Variants in GRIA1 observed in about 807,000 individuals in gnomAD.
GRIA1 encodes the protein glutamate ionotropic receptor AMPA type subunit 1, also known as glutamate receptor 1.
In GRIA1, 31 loss-of-function variants were observed where a neutral mutation model predicts 99.2. The ratio of observed to expected loss-of-function variants is 0.31; its 90% CI spans 0.23 to 0.42. The LOEUF is 0.42. Among genes scored for constraint, GRIA1 ranks in the 10% least tolerant of loss-of-function variants. GRIA1 has a pLI of 1.00. For missense variants in GRIA1, 782 were observed against 1,157.5 expected, an observed-to-expected ratio of 0.68 and a Z score of 4.71; for synonymous variants, 438 against 432.4, an observed-to-expected ratio of 1.01 and a Z score of -0.16.
At position 153,553,446 on chromosome 5, in the gene GRIA1, G is replaced by C. The variant is rs577529612; in HGVS notation, c.220+59381G>C. On this transcript the variant is annotated intron_variant, in intron 2 of 15. Coordinates refer to ENST00000285900, the MANE Select transcript of GRIA1 (RefSeq NM_000827.4). ...AAGTACACTTGGAAGAGGGTTAACG[G>C]GGAGACTTGAGAGACCAAGTGCATG... is the stretch of plus-strand genomic sequence containing the variant. Among the ~76,000 whole-genome samples the C allele has an allele frequency of 6.6e-5, 10 of 152,290 alleles. No homozygotes were observed. In the South Asian group the frequency reaches 2.1e-3, roughly 32 times the overall value.
At chr5:153,654,373 T>A (rs1310086360) in intron 4 of GRIA1, among the ~76,000 whole-genome samples, 1 of 152,180 alleles carries the variant, frequency 6.6e-6, no homozygotes, top group African/African-American at 2.4e-5. Context: ...GGGACAATAT[T>A]TCTCCATTGC....
chr5:153,506,765 G>A (rs1453429785), intron 2 of GRIA1, among the ~76,000 whole-genome samples: 2 of 152,156 alleles, frequency 1.3e-5, no homozygotes, highest in Admixed American at 6.6e-5. Flanking sequence ...TTAGCTTTGG[G>A]AAAATTATTT....
chr5:153,691,364 G>C (rs1257925358), intron 8 of GRIA1, among the ~76,000 whole-genome samples: 3 of 152,168 alleles, frequency 2.0e-5, no homozygotes, highest in Non-Finnish European at 4.4e-5. Context: ...CGAAGAACTG[G>C]TATTGTTGAT....
intron 11 of GRIA1, among the ~76,000 whole-genome samples, chr5:153,727,582 T>C (rs1388724452): frequency 7.2e-5 from 11 of 152,184 alleles, no homozygotes; most frequent in African/African-American, 2.2e-4. Flanking sequence ...AGAATTCTTA[T>C]ACACCAATAA....
At chr5:153,592,988 A>T (rs55946739) in intron 2 of GRIA1, among the ~76,000 whole-genome samples, 11,469 of 152,218 alleles carry the variant, frequency 0.075, 538 homozygotes, top group Non-Finnish European at 0.11. Flanking sequence ...ATTAACTGCC[A>T]GGCGCAGTGG....
At chr5:153,757,326 T>A (rs931206318) in intron 11 of GRIA1, among the ~76,000 whole-genome samples, 1 of 151,994 alleles carries the variant, frequency 6.6e-6, no homozygotes, top group Admixed American at 6.6e-5. Flanking sequence ...GAGCAAATAT[T>A]TGGGTCATTG....
chr5:153,810,521 C>T (rs1035625662), intron 15 of GRIA1, among the ~76,000 whole-genome samples: 31 of 152,308 alleles, frequency 2.0e-4, no homozygotes, highest in African/African-American at 6.7e-4. Flanking sequence ...TAGCACCATT[C>T]TTGCTATAAT....
intron 8 of GRIA1, among the ~76,000 whole-genome samples, chr5:153,686,915 C>G (rs1275792523): frequency 6.6e-6 from 1 of 152,122 alleles, no homozygotes; most frequent in Non-Finnish European, 1.5e-5. Flanking sequence ...CACCCTTAAC[C>G]CTTGATACTT....
intron 2 of GRIA1, among the ~76,000 whole-genome samples, chr5:153,593,784 A>G (rs951666761): frequency 6.6e-6 from 1 of 152,120 alleles, no homozygotes; most frequent in Non-Finnish European, 1.5e-5. Flanking sequence ...CAGGAGAGCT[A>G]TCTTCCTGGG....
chr5:153,771,630 C>T (rs1036682981), intron 13 of GRIA1, among the ~76,000 whole-genome samples: 1 of 152,188 alleles, frequency 6.6e-6, no homozygotes, highest in Admixed American at 6.5e-5. Context: ...AGAACATCTA[C>T]TTCCTGCAAT....
chr5:153,521,331 A>G (rs1757125890), intron 2 of GRIA1, among the ~76,000 whole-genome samples: 1 of 152,244 alleles, frequency 6.6e-6, no homozygotes, highest in Admixed American at 6.5e-5. Context: ...CAGGGACCAG[A>G]GAAACAGAGT....
intron 2 of GRIA1, among the ~76,000 whole-genome samples, chr5:153,496,902 T>C (rs1163554279): frequency 6.6e-6 from 1 of 152,204 alleles, no homozygotes; most frequent in Non-Finnish European, 1.5e-5. Context: ...TCATAATTTT[T>C]GCTGTCATTT....
At position 153,750,926 on chromosome 5, in the gene GRIA1, G is replaced by A. The variant is rs150815923; in HGVS notation, c.1824-13508G>A. Among the ~76,000 whole-genome samples the A allele has an allele frequency of 8.4e-3, 1,281 of 152,038 alleles. 7 individuals carry two copies. Among genetic ancestry groups the A allele is most frequent in the Middle Eastern group, 0.014 (4 of 294 alleles). ...TCCTGGCCAAAGATGATGAAACCCC[G>A]TCTCTACTAAAAGTACAAAAAAAAT... On this transcript the variant is annotated intron_variant, in intron 11 of 15. Transcript: ENST00000285900.
At chr5:153,806,557 C>T (rs1245882472) in intron 15 of GRIA1, among the ~76,000 whole-genome samples, 1 of 152,210 alleles carries the variant, frequency 6.6e-6, no homozygotes, top group East Asian at 1.9e-4. Context: ...AGCCACCACG[C>T]CCCGCCCTTG....
In GRIA1 at chr5:153,809,784, T is replaced by A. The variant is rs1215859032; in HGVS notation, c.2521-1241T>A. ...AACTTATACACTGGAGGCAGAACCATTACAAGAGAATGTATACTGCACGAG... is the reference window on the plus strand; with the variant it reads ...AACTTATACACTGGAGGCAGAACCAATACAAGAGAATGTATACTGCACGAG... On this transcript the variant is annotated intron_variant, in intron 15 of 15. Transcript: ENST00000285900. Among the ~76,000 whole-genome samples the A allele has an allele frequency of 2.0e-5, 3 of 152,142 alleles. No individual in the cohort carries two copies. The East Asian group carries it at 5.8e-4, about 29-fold the overall frequency.
chr5:153,691,696 T>A (rs1757770998), intron 8 of GRIA1, among the ~76,000 whole-genome samples: 1 of 152,210 alleles, frequency 6.6e-6, no homozygotes, highest in African/African-American at 2.4e-5. Flanking sequence ...TAGCATCAGA[T>A]ATAGACATAG....
intron 11 of GRIA1, among the ~76,000 whole-genome samples, chr5:153,710,713 T>C (rs1436497847): frequency 3.3e-5 from 5 of 152,146 alleles, no homozygotes; most frequent in African/African-American, 1.2e-4. Flanking sequence ...CAGGGTATGG[T>C]TCTAAGTGCT....
chr5:153,722,355 C>T (rs6866103), intron 11 of GRIA1, among the ~76,000 whole-genome samples: 1 of 151,852 alleles, frequency 6.6e-6, no homozygotes, highest in Admixed American at 6.6e-5. Flanking sequence ...TTTCTTTATG[C>T]CTAGTACTTT....
intron 11 of GRIA1, among the ~76,000 whole-genome samples, chr5:153,711,516 A>G (rs920737721): frequency 6.6e-6 from 1 of 152,156 alleles, no homozygotes; most frequent in African/African-American, 2.4e-5. Flanking sequence ...TCCAGGGACT[A>G]TTAGCTCTGG....
Sources: allele counts gnomAD v4.1 joint callset (sites outside exome capture counted in the v4.1 genomes callset), GRCh38; gene constraint gnomAD v4.1.1; transcripts MANE v1.5; gene names NCBI Gene and HGNC (gene_info 2026-07-23, HGNC 2026-07-21).